NRXN3: variants seen among roughly 807,000 people sequenced by gnomAD.
NRXN3 encodes the protein neurexin 3, also known as neurexin III.
In NRXN3, 32 loss-of-function variants were observed where a neutral mutation model predicts 137.6. That is an observed-to-expected ratio of 0.23 (90% CI 0.18 to 0.31). NRXN3 has a LOEUF of 0.31. Ranked by LOEUF, NRXN3 falls within the 10% of genes least tolerant of loss-of-function variation. The probability of loss-of-function intolerance (pLI) is 1.00; values close to 1 mark genes in which losing one functional copy is unlikely to be tolerated. For synonymous variants in NRXN3, 798 were observed against 784.5 expected (o/e 1.02, Z -0.29); for missense variants, 1,574 against 2,062.5 (o/e 0.76, Z 4.59).
chr14:79,567,270 G>A (rs2097559297), intron 16 of NRXN3, among the ~76,000 whole-genome samples: 1 of 151,734 alleles, frequency 6.6e-6, no homozygotes, highest in Non-Finnish European at 1.5e-5. Flanking sequence ...AGTAATGTTG[G>A]TATCTAGTAT....
intron 4 of NRXN3, among the ~76,000 whole-genome samples, chr14:78,385,519 A>T (rs999515450): frequency 3.5e-4 from 53 of 152,166 alleles, no homozygotes; most frequent in African/African-American, 1.3e-3. Flanking sequence ...AGCACCCACA[A>T]TTCCTGAACT....
rs192629724 is a variant in NRXN3 at position 78,181,837 on chromosome 14, G to T, written c.-704+11163G>T. On this transcript the variant is annotated intron_variant, in intron 1 of 20. Coordinates refer to ENST00000335750, the MANE Select transcript of NRXN3 (RefSeq NM_001330195.2). ...GCTGGAAGGGACCTGGGTGATCACT[G>T]TGCCAATGCTAATATTCTATTCACT... is the stretch of plus-strand genomic sequence containing the variant. Among the ~76,000 whole-genome samples, 3 of 152,280 alleles carry T rather than the reference G, an allele frequency of 2.0e-5. No homozygotes were observed. In the East Asian group the frequency reaches 5.8e-4, roughly 29 times the overall value.
intron 10 of NRXN3, among the ~76,000 whole-genome samples, chr14:78,836,143 T>C (rs1438736709): frequency 1.3e-5 from 2 of 152,120 alleles, no homozygotes; most frequent in Non-Finnish European, 2.9e-5. Context: ...ATTAAAATCA[T>C]ATGCACTAGA....
intron 19 of NRXN3, among the ~76,000 whole-genome samples, chr14:79,803,981 GTA>G (rs143348564): frequency 6.8e-6 from 1 of 147,224 alleles, no homozygotes; most frequent in African/African-American, 2.5e-5. Flanking sequence ...GTATGTATGT[GTA>G]TATATATATG....
intron 15 of NRXN3, among the ~76,000 whole-genome samples, chr14:79,317,822 A>G (rs1313339583): frequency 6.6e-6 from 1 of 152,232 alleles, no homozygotes; most frequent in Non-Finnish European, 1.5e-5. Context: ...TTTAGTGTAT[A>G]AATATAATAA....
chr14:78,297,348 G>A (rs1340128771), intron 3 of NRXN3, among the ~76,000 whole-genome samples: 1 of 152,090 alleles, frequency 6.6e-6, no homozygotes, highest in African/African-American at 2.4e-5. Flanking sequence ...CTGGAAGGTG[G>A]GATTGCCATT....
chr14:79,591,626 T>G (rs1220834886), intron 16 of NRXN3, among the ~76,000 whole-genome samples: 1 of 152,162 alleles, frequency 6.6e-6, no homozygotes, highest in African/African-American at 2.4e-5. Flanking sequence ...AAAACTGTAA[T>G]TTTCATGTTT....
chr14:78,668,650 A>G (rs542827423), intron 6 of NRXN3, among the ~76,000 whole-genome samples: 70 of 152,284 alleles, frequency 4.6e-4, no homozygotes, highest in African/African-American at 1.7e-3. Flanking sequence ...CTGGGTCTCA[A>G]CAGTGCCGAA....
At chr14:78,642,389 A>G (rs1462323814) in intron 4 of NRXN3, among the ~76,000 whole-genome samples, 4 of 152,228 alleles carry the variant, frequency 2.6e-5, no homozygotes. Flanking sequence ...AAAAAATATT[A>G]AGCACCATGT....
chr14:79,585,690 A>C lies in NRXN3; in HGVS notation c.3445-78088A>C, dbSNP rs900027894. ...CAGAGCGAGACTCCATCTTAAAAAA[A>C]AAACAAAAAAAAAAAAAACCAACTT... On this transcript the variant is annotated intron_variant, in intron 16 of 20. Coordinates refer to ENST00000335750, the MANE Select transcript of NRXN3 (RefSeq NM_001330195.2). Among the ~76,000 whole-genome samples the C allele has an allele frequency of 7.6e-5, 9 of 118,182 alleles. 1 individual carries two copies. Among genetic ancestry groups the C allele is most frequent in the African/African-American group, 1.8e-4 (6 of 32,706 alleles). The allele number at this position is 118,182 out of a possible 152,430, so 77.5% of individuals were successfully genotyped here. A position where few individuals can be genotyped will look rare whatever the true frequency, so the allele number is the denominator to read the frequency against.
At chr14:79,026,697 G>T (rs756685131) in intron 15 of NRXN3, among the ~76,000 whole-genome samples, 46 of 152,024 alleles carry the variant, frequency 3.0e-4, no homozygotes, top group Admixed American at 1.3e-3. Flanking sequence ...TTGACCCATG[G>T]ATACTAAGGT....
At chr14:78,481,542 C>A (rs1038059005) in intron 4 of NRXN3, among the ~76,000 whole-genome samples, 1 of 152,148 alleles carries the variant, frequency 6.6e-6, no homozygotes, top group East Asian at 1.9e-4. Flanking sequence ...CACAGAGACC[C>A]ACTATCCTGG....
At chr14:78,807,463 A>G (rs2098879760) in intron 9 of NRXN3, among the ~76,000 whole-genome samples, 1 of 152,116 alleles carries the variant, frequency 6.6e-6, no homozygotes, top group Non-Finnish European at 1.5e-5. Context: ...AGGCACCTTA[A>G]TCTAATTACA....
rs141046311 is a variant in NRXN3, at chr14:79,333,479, C to G, written c.3263-133742C>G. ...AGGTCTGCTGCTGTTTTATGTGGCACTGTTTTCTAAGTTGCTGATTAAGAT... is the reference window on the plus strand; with the variant it reads ...AGGTCTGCTGCTGTTTTATGTGGCAGTGTTTTCTAAGTTGCTGATTAAGAT... On this transcript the variant is annotated intron_variant, in intron 15 of 20. Transcript: ENST00000335750. Among the ~76,000 whole-genome samples, 859 of 152,230 alleles carry G rather than the reference C, an allele frequency of 5.6e-3. 6 individuals are homozygous for G. Among genetic ancestry groups the G allele is most frequent in the African/African-American group, 0.02 (830 of 41,542 alleles).
At chr14:78,859,944 C>A (rs897575898) in intron 10 of NRXN3, among the ~76,000 whole-genome samples, 2 of 152,070 alleles carry the variant, frequency 1.3e-5, no homozygotes, top group Admixed American at 6.6e-5. Flanking sequence ...TCCTTAGTCC[C>A]TGAGAAGCAA....
intron 20 of NRXN3, among the ~76,000 whole-genome samples, chr14:79,850,282 T>A (rs963462944): frequency 6.6e-6 from 1 of 152,152 alleles, no homozygotes; most frequent in African/African-American, 2.4e-5. Flanking sequence ...TCTCTAGTAT[T>A]CTCCCTGGGA....
At chr14:78,960,258 G>A (rs528570473) in intron 11 of NRXN3, among the ~76,000 whole-genome samples, 9 of 152,296 alleles carry the variant, frequency 5.9e-5, no homozygotes, top group African/African-American at 2.2e-4. Context: ...TTGCTTATGA[G>A]TTACAATCTT....
chr14:78,322,206 G>T (rs971122836), intron 4 of NRXN3, among the ~76,000 whole-genome samples: 1 of 151,930 alleles, frequency 6.6e-6, no homozygotes, highest in Non-Finnish European at 1.5e-5. Flanking sequence ...CTCAGCTTCT[G>T]AATCTTTACA....
chr14:78,592,420 A>G (rs1293809765), intron 4 of NRXN3, among the ~76,000 whole-genome samples: 2 of 152,162 alleles, frequency 1.3e-5, no homozygotes, highest in Non-Finnish European at 2.9e-5. Flanking sequence ...TTGCTCCCCA[A>G]GGGTCCAACA....
Sources: gnomAD v4.1 joint callset for allele counts (sites outside exome capture counted in the v4.1 genomes callset) on GRCh38, gnomAD v4.1.1 for gene constraint, MANE v1.5 for transcripts, NCBI Gene and HGNC (gene_info 2026-07-23, HGNC 2026-07-21) for gene names.